ADAMTSL1: variants seen among roughly 807,000 people sequenced by gnomAD.
ADAMTSL1 encodes the protein ADAMTS like 1, also known as ADAMTS-like protein 1.
ADAMTSL1 carries 126 observed loss-of-function variants against 201.8 expected under a neutral mutation model. The observed-to-expected ratio is 0.62, with a 90% CI of 0.54 to 0.72. The LOEUF is 0.72. Among genes scored for constraint, ADAMTSL1 ranks in the 30% least tolerant of loss-of-function variants. ADAMTSL1 has a pLI of 0.00. For synonymous variants in ADAMTSL1, 1,121 were observed against 903.4 expected, an observed-to-expected ratio of 1.24 and a Z score of -4.32; for missense variants, 2,679 against 2,277.8, an observed-to-expected ratio of 1.18 and a Z score of -3.59.
intron 1 of ADAMTSL1, among the ~76,000 whole-genome samples, chr9:18,090,748 T>A (rs1055280980): frequency 6.6e-6 from 1 of 152,182 alleles, no homozygotes; most frequent in Non-Finnish European, 1.5e-5. Flanking sequence ...AATGGTAAAT[T>A]TTATGTATCT....
chr9:18,169,565 C>T (rs530930281), intron 2 of ADAMTSL1, among the ~76,000 whole-genome samples: 1 of 152,078 alleles, frequency 6.6e-6, no homozygotes, highest in Non-Finnish European at 1.5e-5. Context: ...AGTGTGATGC[C>T]TCCAGCTTTG....
At chr9:18,528,038 C>A in intron 2 of ADAMTSL1, among the ~76,000 whole-genome samples, 1 of 152,012 alleles carries the variant, frequency 6.6e-6, no homozygotes, top group African/African-American at 2.4e-5. Flanking sequence ...CCACCATGCC[C>A]GGCTAATTTT....
At chr9:18,119,729 T>C (rs1825418993) in intron 1 of ADAMTSL1, among the ~76,000 whole-genome samples, 1 of 152,064 alleles carries the variant, frequency 6.6e-6, no homozygotes, top group Non-Finnish European at 1.5e-5. Flanking sequence ...TATACAGTAA[T>C]AAGGTTGCCA....
rs184499713 is a variant in ADAMTSL1, at chr9:17,955,399, T to A, written c.87+48477T>A. On this transcript the variant is annotated intron_variant, in intron 1 of 29. Coordinates refer to the ADAMTSL1 transcript ENST00000680146. ...ACTCATTCCAAATTTAGGATTATAG[T>A]TCTAATCTTACAATTTGAAATTCTA... Among the ~76,000 whole-genome samples the A allele has an allele frequency of 2.0e-4, 30 of 152,318 alleles. No individual in the cohort carries two copies. The East Asian group carries it at 5.6e-3, about 28-fold the overall frequency.
rs575617052 is a variant in ADAMTSL1, at chr9:18,498,585, G to A, written c.64-6244G>A. On this transcript the variant is annotated intron_variant, in intron 1 of 28. Transcript: ENST00000380548. Reference sequence around the variant, plus strand: ...AGTCTTGCCCTCAGCTGATCCGCCCGCCTCGGCCTCCCAAAGTGCTGGCAT... The same window carrying A: ...AGTCTTGCCCTCAGCTGATCCGCCCACCTCGGCCTCCCAAAGTGCTGGCAT... Among the ~76,000 whole-genome samples, 223 of 152,150 alleles carry A rather than the reference G, an allele frequency of 1.5e-3. 2 individuals carry two copies. Among genetic ancestry groups the A allele is most frequent in the Non-Finnish European group, 2.5e-3 (170 of 68,008 alleles).
chr9:18,874,917 T>C (rs193187216), intron 23 of ADAMTSL1, among the ~76,000 whole-genome samples: 1 of 152,154 alleles, frequency 6.6e-6, no homozygotes, highest in East Asian at 1.9e-4. Context: ...TTGTTGGCAA[T>C]TTTTTATTAC....
intron 2 of ADAMTSL1, among the ~76,000 whole-genome samples, chr9:18,247,904 G>T (rs1409750618): frequency 6.6e-6 from 1 of 151,962 alleles, no homozygotes; most frequent in Non-Finnish European, 1.5e-5. Context: ...GGATACTAAG[G>T]TAGGAAGCTG....
intron 1 of ADAMTSL1, among the ~76,000 whole-genome samples, chr9:17,922,679 T>G (rs762332210): frequency 7.2e-5 from 11 of 151,944 alleles, no homozygotes; most frequent in Non-Finnish European, 1.3e-4. Flanking sequence ...TCCCAGTTTG[T>G]TAGAGGGAGA....
At chr9:18,588,689 C>A (rs964338776) in intron 4 of ADAMTSL1, among the ~76,000 whole-genome samples, 1 of 151,492 alleles carries the variant, frequency 6.6e-6, no homozygotes, top group Non-Finnish European at 1.5e-5. Flanking sequence ...ATCCAGTTTT[C>A]CCAGAACCAC....
intron 9 of ADAMTSL1, among the ~76,000 whole-genome samples, chr9:18,663,574 G>A (rs568341035): frequency 1.3e-5 from 2 of 152,150 alleles, no homozygotes; most frequent in African/African-American, 2.4e-5. Flanking sequence ...TGTGTGAAAG[G>A]CACAGTTATC....
At chr9:18,036,797 G>T (rs1821218510) in intron 1 of ADAMTSL1, among the ~76,000 whole-genome samples, 1 of 152,152 alleles carries the variant, frequency 6.6e-6, no homozygotes, top group Admixed American at 6.5e-5. Context: ...ATTGAGATAG[G>T]TAGAAATTTG....
At chr9:18,126,602 T>A (rs1244857196) in intron 1 of ADAMTSL1, among the ~76,000 whole-genome samples, 3 of 152,170 alleles carry the variant, frequency 2.0e-5, no homozygotes, top group Non-Finnish European at 4.4e-5. Context: ...TCAGCTGATG[T>A]CATTTGGAGC....
chr9:18,100,504 G>T (rs1275537071), intron 1 of ADAMTSL1, among the ~76,000 whole-genome samples: 1 of 152,142 alleles, frequency 6.6e-6, no homozygotes, highest in South Asian at 2.1e-4. Context: ...TCTTGCATCA[G>T]CGTAGTTTTT....
intron 1 of ADAMTSL1, among the ~76,000 whole-genome samples, chr9:17,980,321 C>T (rs769954375): frequency 6.6e-6 from 1 of 152,084 alleles, no homozygotes; most frequent in Non-Finnish European, 1.5e-5. Flanking sequence ...ACATTACCCC[C>T]CACCACATCT....
intron 1 of ADAMTSL1, among the ~76,000 whole-genome samples, chr9:18,098,439 A>G (rs987010381): frequency 6.6e-6 from 1 of 152,194 alleles, no homozygotes; most frequent in Admixed American, 6.5e-5. Flanking sequence ...TGTAGTATGC[A>G]GTACACAGAA....
intron 13 of ADAMTSL1, among the ~76,000 whole-genome samples, chr9:18,699,586 T>G (rs1406843598): frequency 1.3e-5 from 2 of 152,146 alleles, no homozygotes; most frequent in Non-Finnish European, 2.9e-5. Context: ...TGCCTTGGCC[T>G]CCAAAAATGC....
intron 2 of ADAMTSL1, among the ~76,000 whole-genome samples, chr9:18,512,877 CA>C (rs1338551107): frequency 6.6e-6 from 1 of 152,106 alleles, no homozygotes; most frequent in African/African-American, 2.4e-5. Flanking sequence ...GGCTTTTAAA[CA>C]GTATATGCAG....
intron 13 of ADAMTSL1, among the ~76,000 whole-genome samples, chr9:18,689,264 A>G (rs1831065706): frequency 6.6e-6 from 1 of 152,138 alleles, no homozygotes; most frequent in African/African-American, 2.4e-5. Context: ...CATCACTATC[A>G]CCTGACATGT....
chr9:18,490,430 TA>T (rs1179270474), intron 1 of ADAMTSL1, among the ~76,000 whole-genome samples: 1 of 151,914 alleles, frequency 6.6e-6, no homozygotes, highest in Non-Finnish European at 1.5e-5. Flanking sequence ...ATCACTATGC[TA>T]GGGGGAAAGA....
Sources: allele counts gnomAD v4.1 joint callset (sites outside exome capture counted in the v4.1 genomes callset), GRCh38; gene constraint gnomAD v4.1.1; transcripts MANE v1.5; gene names NCBI Gene and HGNC (gene_info 2026-07-23, HGNC 2026-07-21).